TMEM231: variants seen among roughly 807,000 people sequenced by gnomAD.
TMEM231 encodes the protein transmembrane protein 231.
A neutral mutation model predicts 38.5 loss-of-function variants in TMEM231; 40 were observed. The observed-to-expected ratio is 1.04, with a 90% confidence interval of 0.81 to 1.35. The LOEUF (loss-of-function observed/expected upper bound fraction) is 1.35, where lower values mean the gene tolerates loss of function less well. TMEM231 is among the 40% of genes most tolerant of loss of function. TMEM231 has a pLI of 0.00. For synonymous variants in TMEM231, 199 were observed against 181.7 expected, an observed-to-expected ratio of 1.10 and a Z score of -0.77; for missense variants, 420 against 416.9, an observed-to-expected ratio of 1.01 and a Z score of -0.07.
chr16:75,555,173 G>A (rs16975835), intron 2 of TMEM231: 14,365 of 152,198 alleles, frequency 0.094, 735 homozygotes, highest in African/African-American at 0.12. Flanking sequence ...TCCTCTCAGC[G>A]CTCTACTGGT....
chr16:75,541,272 G>T, intron 6 of TMEM231, 78 bp downstream of exon 6: 3 of 983,156 alleles, frequency 3.1e-6, no homozygotes, highest in Non-Finnish European at 4.3e-6. Flanking sequence ...CTCCCACCTT[G>T]GCCTCCCAAA....
Position 75,545,206 on chromosome 16 carries a change from C to A in TMEM231, c.582+146G>T, listed in dbSNP as rs183213260. The A allele has an allele frequency of 3.4e-4, 398 of 1,172,024 alleles. 5 individuals carry two copies. In the Admixed American group the frequency reaches 4.2e-3, roughly 12 times the overall value. The allele number at this position is 1,172,024 out of a possible 1,614,324, so 72.6% of individuals were successfully genotyped here. On this transcript the variant is annotated intron_variant, in intron 4 of 6. Coordinates refer to ENST00000258173, the MANE Select transcript of TMEM231 (RefSeq NM_001077418.3). ...CCGGACCTCAAGTGATCCATCCGCACATCTCCGCCTCCCAAAGTGCTGGGA... is the reference window on the plus strand; with the variant it reads ...CCGGACCTCAAGTGATCCATCCGCAAATCTCCGCCTCCCAAAGTGCTGGGA...
rs1337385066 is a variant in TMEM231, at chr16:75,543,965, T to C, written c.583-1282A>G. ...CAGAAGTACCTCAGCTCAACTTCTA[T>C]GGTCCCCATTGTGATAAAATAAAAG... On this transcript the variant is annotated intron_variant, in intron 4 of 6. Coordinates refer to ENST00000258173, the MANE Select transcript of TMEM231 (RefSeq NM_001077418.3). 3.9e-5 allele frequency among the ~76,000 whole-genome samples: 6 copies of C among 152,240 alleles called. No individual in the cohort carries two copies. In the South Asian group the frequency reaches 1.0e-3, roughly 26 times the overall value.
In TMEM231 at chr16:75,547,502, CTGAGG is replaced by C. The variant is rs1217810607; in HGVS notation, c.310-1553_310-1549del. ...GCTACCAGGGCTGATGATCAAGTTA[CTGAGG>C]CAATGATGGACTAGTCATTATAGGT... On this transcript the variant is annotated intron_variant, in intron 2 of 6. Coordinates refer to ENST00000258173, the MANE Select transcript of TMEM231 (RefSeq NM_001077418.3). Among the ~76,000 whole-genome samples, 7 of 152,246 alleles carry C rather than the reference CTGAGG, an allele frequency of 4.6e-5. No homozygotes were observed. In the East Asian group the frequency reaches 5.8e-4, roughly 13 times the overall value.
intron 4 of TMEM231, among the ~76,000 whole-genome samples, chr16:75,543,721 T>C (rs1418946992): frequency 6.6e-6 from 1 of 152,228 alleles, no homozygotes; most frequent in East Asian, 1.9e-4. Context: ...ATGCAAACCA[T>C]AAGCATATAA....
rs1597051478 is a variant in TMEM231 at position 75,556,193 on chromosome 16, A to C, written c.17T>G (p.Leu6Arg). MALYE[L>R]FSHPVERSYR... ...ACTGCGCTCGACCGGGTGAGAGAAG[A>C]GCTCATAGAGCGCCATGAGCACCGC... Residue 6 changes from leucine to arginine, a missense_variant, in exon 1 of 7, where the codon CTC becomes CGC. By Grantham distance (102) the Leu-to-Arg change is moderately radical. Coordinates refer to ENST00000258173, the MANE Select transcript of TMEM231 (RefSeq NM_001077418.3). 6.7e-7 allele frequency: 1 copy of C among 1,483,910 alleles called. No individual in the cohort carries two copies. Among genetic ancestry groups the C allele is most frequent in the South Asian group, 1.4e-5 (1 of 73,562 alleles). The allele number at this position is 1,483,910 out of a possible 1,614,324, so 91.9% of individuals were successfully genotyped here. A position where few individuals can be genotyped will look rare whatever the true frequency, so the allele number is the denominator to read the frequency against.
At chr16:75,545,241 T>C in intron 4 of TMEM231, 111 bp downstream of exon 4, 1 of 1,443,682 alleles carries the variant, frequency 6.9e-7, no homozygotes, top group South Asian at 1.4e-5. Context: ...ATTACAGGTA[T>C]GAGCCACTGC....
At chr16:75,543,803 A>G in intron 4 of TMEM231, among the ~76,000 whole-genome samples, 1 of 152,248 alleles carries the variant, frequency 6.6e-6, no homozygotes. Context: ...AAAAAGTGCC[A>G]TATTCATTTC....
In TMEM231 at chr16:75,542,692, C is replaced by G. The variant is rs371734111; in HGVS notation, c.583-9G>C. ...CCGTTGATCACGGATATCTGGGACA[C>G]GGGAGGAGGATGTGGTGTGAGCACC... On this transcript the variant is annotated splice_polypyrimidine_tract_variant and intron_variant, in intron 4 of 6. Transcript: ENST00000258173. 2 of 1,613,392 alleles carry G rather than the reference C, an allele frequency of 1.2e-6. No individual in the cohort carries two copies. Among genetic ancestry groups the G allele is most frequent in the East Asian group, 4.5e-5 (2 of 44,844 alleles).
chr16:75,549,702 G>A (rs982907543), intron 2 of TMEM231, among the ~76,000 whole-genome samples: 31 of 151,948 alleles, frequency 2.0e-4, no homozygotes, highest in Non-Finnish European at 2.9e-5. Context: ...AGCAGAGTCA[G>A]AGGGAATTTT....
chr16:75,543,612 CA>C (rs377524325), intron 4 of TMEM231, among the ~76,000 whole-genome samples: 1 of 151,732 alleles, frequency 6.6e-6, no homozygotes, highest in Admixed American at 6.6e-5. Context: ...TACACAAAGA[CA>C]AAAAAAAGAA....
At chr16:75,549,642 A>G (rs1487022048) in intron 2 of TMEM231, among the ~76,000 whole-genome samples, 1 of 152,216 alleles carries the variant, frequency 6.6e-6, no homozygotes, top group African/African-American at 2.4e-5. Flanking sequence ...CTCATGGTTA[A>G]AGGAGGATAA....
rs1332741696 is a variant in TMEM231 at position 75,542,605 on chromosome 16, T to A, written c.661A>T (p.Asn221Tyr). 1.2e-6 allele frequency: 2 copies of A among 1,613,602 alleles called. No homozygotes were observed. The highest frequency in any genetic ancestry group is 8.5e-7 in the Non-Finnish European group (1 of 1,179,788). Residue 221 changes from asparagine to tyrosine, a missense_variant, in exon 5 of 7, where the codon AAC becomes TAC. Transcript: ENST00000258173. ...ATGGGCTCTACCTGTGACTCACCGT[T>A]CCTCTCCTGGTAGGCAGCAACAATA... ...THIVAAYQER[N>Y]VTTVLNDPNP...
intron 6 of TMEM231, 30 bp from the exon 7 acceptor site, chr16:75,540,204 A>C (rs529414952): frequency 6.3e-7 from 1 of 1,588,966 alleles, no homozygotes; most frequent in South Asian, 1.2e-5. Context: ...GAAGGGCCAC[A>C]TGGTGTTAAG....
chr16:75,551,565 T>C (rs2080761536), intron 2 of TMEM231, among the ~76,000 whole-genome samples: 1 of 152,226 alleles, frequency 6.6e-6, no homozygotes, highest in Non-Finnish European at 1.5e-5. Context: ...ACATTTCCAA[T>C]TAAACTATGA....
At chr16:75,548,878 C>T (rs574622319) in intron 2 of TMEM231, among the ~76,000 whole-genome samples, 3 of 152,090 alleles carry the variant, frequency 2.0e-5, no homozygotes, top group Non-Finnish European at 4.4e-5. Context: ...AAACAAACAA[C>T]AAAAAAACCC....
chr16:75,548,453 A>G (rs762616113), intron 2 of TMEM231, among the ~76,000 whole-genome samples: 1 of 152,220 alleles, frequency 6.6e-6, no homozygotes, highest in Admixed American at 6.5e-5. Flanking sequence ...AATGGTAAAC[A>G]AAATAGACAA....
rs936306577 is a variant in TMEM231, at chr16:75,537,500, T to G, written c.*2494A>C. 8 of 151,594 alleles carry G rather than the reference T, an allele frequency of 5.3e-5. No individual in the cohort carries two copies. Among genetic ancestry groups the G allele is most frequent in the African/African-American group, 1.9e-4 (8 of 41,294 alleles). The allele number at this position is 151,594 out of a possible 1,614,324, so 9.4% of individuals were successfully genotyped here. On this transcript the variant is annotated 3_prime_UTR_variant, in exon 7 of 7. Coordinates refer to ENST00000258173, the MANE Select transcript of TMEM231 (RefSeq NM_001077418.3). ...ATCCTCTATATTTCTTTTTTTTTTT[T>G]TTTTTGAGACGGAGTCTAGCTCTGT...
At chr16:75,543,863 G>A (rs2151701001) in intron 4 of TMEM231, among the ~76,000 whole-genome samples, 1 of 152,320 alleles carries the variant, frequency 6.6e-6, no homozygotes, top group East Asian at 1.9e-4. Flanking sequence ...TATAGTCAGA[G>A]CAACAGTAAA....
Sources: gnomAD v4.1 joint callset for allele counts (sites outside exome capture counted in the v4.1 genomes callset) on GRCh38, gnomAD v4.1.1 for gene constraint, MANE v1.5 for transcripts, NCBI Gene and HGNC (gene_info 2026-07-23, HGNC 2026-07-21) for gene names.